DDAH1: variants seen among roughly 807,000 people sequenced by gnomAD.
DDAH1 encodes the protein N(G),N(G)-dimethylarginine dimethylaminohydrolase 1.
DDAH1 carries 19 observed loss-of-function variants against 28.8 expected under a neutral mutation model. The ratio of observed to expected loss-of-function variants is 0.66; its 90% CI spans 0.46 to 0.97. The LOEUF (loss-of-function observed/expected upper bound fraction) is 0.97, where lower values mean the gene tolerates loss of function less well. Ranked by LOEUF, DDAH1 falls within the 50% of genes least tolerant of loss-of-function variation. The probability of loss-of-function intolerance (pLI) is 0.00; values close to 1 mark genes in which losing one functional copy is unlikely to be tolerated. For synonymous variants in DDAH1, 153 were observed against 154.4 expected (o/e 0.99, Z 0.07); for missense variants, 326 against 375.9 (o/e 0.87, Z 1.10).
intron 4 of DDAH1, among the ~76,000 whole-genome samples, chr1:85,328,827 A>C (rs1647582920): frequency 2.0e-5 from 3 of 152,218 alleles, no homozygotes; most frequent in Admixed American, 2.0e-4. Context: ...TTTTCTAAGC[A>C]ATTGGGAAAA....
At chr1:85,479,259 C>CA (rs1655913177) in intron 2 of DDAH1, among the ~76,000 whole-genome samples, 3 of 148,230 alleles carry the variant, frequency 2.0e-5, no homozygotes, top group African/African-American at 7.5e-5. Context: ...CTGCAAGCTC[C>CA]GCTTCCCGGG....
At chr1:85,416,298 C>T (rs527288380) in intron 1 of DDAH1, among the ~76,000 whole-genome samples, 2 of 151,994 alleles carry the variant, frequency 1.3e-5, no homozygotes, top group South Asian at 2.1e-4. Flanking sequence ...CGGGTTCAAG[C>T]GATTCTCCTG....
intron 1 of DDAH1, among the ~76,000 whole-genome samples, chr1:85,529,195 G>A (rs1248911156): frequency 1.3e-5 from 2 of 152,060 alleles, no homozygotes; most frequent in South Asian, 2.1e-4. Flanking sequence ...ATTCTGTAAT[G>A]TGAATCCTGA....
rs560079776 is a variant in DDAH1, at chr1:85,515,160, C to T, written c.-122-18879G>A. Among the ~76,000 whole-genome samples the T allele has an allele frequency of 2.0e-5, 3 of 149,714 alleles. 1 individual carries two copies. The highest frequency in any genetic ancestry group is 4.3e-4 in the South Asian group (2 of 4,660). On this transcript the variant is annotated intron_variant, in intron 1 of 6. Transcript: ENST00000426972. ...ATCCCAGCACTTTGGGGGGCCAAGG[C>T]GGGCAGATAACTTGAGGTCAGGACT...
chr1:85,569,396 A>G (rs1238318695), intron 1 of DDAH1, among the ~76,000 whole-genome samples: 2 of 152,192 alleles, frequency 1.3e-5, no homozygotes, highest in African/African-American at 2.4e-5. Context: ...GTTCCAAAAG[A>G]GAAGCCTTTA....
intron 1 of DDAH1, among the ~76,000 whole-genome samples, chr1:85,400,988 G>A (rs1652076123): frequency 6.6e-6 from 1 of 152,186 alleles, no homozygotes; most frequent in Non-Finnish European, 1.5e-5. Context: ...AGAGAGATAT[G>A]ATCCATGCCC....
At chr1:85,487,205 G>A (rs1170334154) in intron 2 of DDAH1, among the ~76,000 whole-genome samples, 4 of 152,230 alleles carry the variant, frequency 2.6e-5, no homozygotes, top group Non-Finnish European at 5.9e-5. Flanking sequence ...GAAGGAGAAG[G>A]TGTCACTCTC....
intron 1 of DDAH1, among the ~76,000 whole-genome samples, chr1:85,519,712 G>T (rs535310822): frequency 7.8e-4 from 118 of 152,186 alleles, no homozygotes; most frequent in African/African-American, 2.7e-3. Flanking sequence ...AAAATACAGA[G>T]ATTCTGAAGT....
intron 1 of DDAH1, among the ~76,000 whole-genome samples, chr1:85,504,262 G>A (rs1307776816): frequency 1.3e-5 from 2 of 152,170 alleles, no homozygotes; most frequent in Non-Finnish European, 1.5e-5. Flanking sequence ...TGGATCTACT[G>A]TATAACAAAA....
chr1:85,479,216 G>C (rs1277366354), intron 2 of DDAH1, among the ~76,000 whole-genome samples: 4 of 134,236 alleles, frequency 3.0e-5, no homozygotes, highest in African/African-American at 1.1e-4. Flanking sequence ...GCCCAGGCCG[G>C]ACTGCGGACT....
chr1:85,479,006 A>G (rs964034642), intron 2 of DDAH1, among the ~76,000 whole-genome samples: 2 of 152,090 alleles, frequency 1.3e-5, no homozygotes, highest in African/African-American at 2.4e-5. Flanking sequence ...TTATATTTTT[A>G]TTGCCTTTTG....
At chr1:85,427,030 T>C (rs1252004172) in intron 1 of DDAH1, among the ~76,000 whole-genome samples, 1 of 151,980 alleles carries the variant, frequency 6.6e-6, no homozygotes, top group Non-Finnish European at 1.5e-5. Flanking sequence ...GTTAGTTCAA[T>C]TTCCTTATTT....
chr1:85,462,636 T>A (rs996066036), intron 1 of DDAH1, among the ~76,000 whole-genome samples: 1 of 152,176 alleles, frequency 6.6e-6, no homozygotes, highest in Non-Finnish European at 1.5e-5. Context: ...CAACAAGCAT[T>A]AACACCTACC....
intron 1 of DDAH1, among the ~76,000 whole-genome samples, chr1:85,368,468 T>C (rs1650193605): frequency 6.6e-6 from 1 of 152,180 alleles, no homozygotes; most frequent in African/African-American, 2.4e-5. Flanking sequence ...GGAAGAAGGC[T>C]GGAAGTGACA....
chr1:85,396,963 G>A (rs1453082923), intron 1 of DDAH1, among the ~76,000 whole-genome samples: 1 of 151,620 alleles, frequency 6.6e-6, no homozygotes, highest in Non-Finnish European at 1.5e-5. Context: ...CCTGAGCCCA[G>A]GAGGCAGAGG....
At chr1:85,546,121 A>G (rs1307402962) in intron 1 of DDAH1, among the ~76,000 whole-genome samples, 1 of 142,260 alleles carries the variant, frequency 7.0e-6, no homozygotes, top group African/African-American at 2.6e-5. Flanking sequence ...CTATGATTTG[A>G]ATGTGTCTCC....
intron 1 of DDAH1, among the ~76,000 whole-genome samples, chr1:85,365,702 T>C (rs1477485738): frequency 6.0e-5 from 5 of 82,826 alleles, no homozygotes; most frequent in African/African-American, 1.7e-4. Context: ...CTAGGAAGTA[T>C]AGTAGGTAGA....
intron 1 of DDAH1, among the ~76,000 whole-genome samples, chr1:85,417,975 T>C (rs1652959176): frequency 6.6e-6 from 1 of 152,250 alleles, no homozygotes. Flanking sequence ...AAATCATAGT[T>C]GCTTTGCGGA....
At chr1:85,466,832 CTTTTTTTTT>C (rs10675813), upstream of DDAH1, among the ~76,000 whole-genome samples, 1 of 70,738 alleles carries the variant, frequency 1.4e-5, no homozygotes, top group African/African-American at 5.8e-5. Flanking sequence ...ATTATTTATT[CTTTTTTTTT>C]TTTTTTTTTT....
Sources: gnomAD v4.1 joint callset for allele counts (sites outside exome capture counted in the v4.1 genomes callset) on GRCh38, gnomAD v4.1.1 for gene constraint, MANE v1.5 for transcripts, NCBI Gene and HGNC (gene_info 2026-07-23, HGNC 2026-07-21) for gene names.